CUBN: variants seen among roughly 807,000 people sequenced by gnomAD.
CUBN encodes 460 kDa receptor.
Under a neutral mutation model 405.3 loss-of-function variants are expected in CUBN, and 282 were observed. The observed-to-expected ratio is 0.70, with a 90% CI of 0.63 to 0.77. The LOEUF is 0.77. Among genes scored for constraint, CUBN ranks in the 30% least tolerant of loss-of-function variants. The probability of loss-of-function intolerance (pLI) is 0.00; values close to 1 mark genes in which losing one functional copy is unlikely to be tolerated. For synonymous variants in CUBN, 1,684 were observed against 1,617.0 expected (o/e 1.04, Z -0.99); for missense variants, 4,514 against 4,475.2 (o/e 1.01, Z -0.25).
In CUBN at chr10:17,076,771, C is replaced by T. The variant is rs185371232; in HGVS notation, c.2302-4800G>A. Among the ~76,000 whole-genome samples, 598 of 152,282 alleles carry T rather than the reference C, an allele frequency of 3.9e-3. 4 individuals are homozygous for T. Among genetic ancestry groups the T allele is most frequent in the Middle Eastern group, 0.024 (7 of 294 alleles). Reference sequence around the variant, plus strand: ...CATAATTCAACCATCTTTTACTTTTCCCCCAGCAAGCTCTAGAGCCTGGGT... The same window carrying T: ...CATAATTCAACCATCTTTTACTTTTTCCCCAGCAAGCTCTAGAGCCTGGGT... On this transcript the variant is annotated intron_variant, in intron 17 of 66. Transcript: ENST00000377833.
chr10:16,898,065 T>C (rs1841243306), intron 54 of CUBN, among the ~76,000 whole-genome samples: 1 of 32,114 alleles, frequency 3.1e-5, no homozygotes, highest in South Asian at 2.3e-3. Flanking sequence ...TTTTATTATA[T>C]GTATATATAT....
At chr10:16,891,621 G>T (rs116830588) in intron 54 of CUBN, among the ~76,000 whole-genome samples, 41 of 152,142 alleles carry the variant, frequency 2.7e-4, no homozygotes, top group African/African-American at 9.7e-4. Flanking sequence ...GGTAGGTTTT[G>T]CCCTAGTTCA....
intron 48 of CUBN, among the ~76,000 whole-genome samples, chr10:16,909,008 G>A (rs550960354): frequency 1.9e-4 from 28 of 149,070 alleles, no homozygotes; most frequent in African/African-American, 5.9e-4. Context: ...TCAGCCTCCC[G>A]AGTAGCTGGG....
At position 16,990,435 on chromosome 10, in the gene CUBN, A is replaced by G. The variant is rs745823234; in HGVS notation, c.4249T>C (p.Cys1417Arg). 2.5e-6 allele frequency: 4 copies of G among 1,613,786 alleles called. No individual in the cohort carries two copies. The African/African-American group carries it at 5.3e-5, about 22-fold the overall frequency. ...FPNRYPPNKECIWYIRTDPGS... is the reference protein window; with the variant it reads ...FPNRYPPNKERIWYIRTDPGS... ...GGGTCCGTCCTAATGTACCAGATAC[A>G]CTCCTTGTTTGGTGGATACCTGTTG... The change falls in exon 29 of 67, where the codon TGT becomes CGT. Residue 1417 changes from cysteine (C) to arginine (R), a missense_variant. Physicochemically the swap from Cys to Arg is radical, Grantham distance 180 (BLOSUM62 -3). Transcript: ENST00000377833.
chr10:16,971,735 C>T (rs1475128485), intron 31 of CUBN, among the ~76,000 whole-genome samples: 1 of 152,178 alleles, frequency 6.6e-6, no homozygotes, highest in Non-Finnish European at 1.5e-5. Context: ...ATTTTCTCTA[C>T]TGTTCGCCTG....
At chr10:16,961,389 G>A (rs1414604307) in intron 31 of CUBN, among the ~76,000 whole-genome samples, 3 of 152,036 alleles carry the variant, frequency 2.0e-5, no homozygotes, top group Non-Finnish European at 4.4e-5. Flanking sequence ...CTGATGCTTC[G>A]ATACCTTGAG....
At chr10:16,887,666 A>G (rs1193654404) in intron 56 of CUBN, among the ~76,000 whole-genome samples, 2 of 152,230 alleles carry the variant, frequency 1.3e-5, no homozygotes, top group Admixed American at 1.3e-4. Flanking sequence ...AATGCATGGC[A>G]GTTTCCCAAA....
intron 27 of CUBN, among the ~76,000 whole-genome samples, chr10:17,027,744 C>T (rs1010902819): frequency 2.0e-5 from 3 of 152,106 alleles, no homozygotes. Context: ...TCTTAAGTAT[C>T]TCAAGGTTAT....
chr10:17,051,064 A>G (rs1355416410), intron 22 of CUBN, among the ~76,000 whole-genome samples: 2 of 152,090 alleles, frequency 1.3e-5, no homozygotes, highest in East Asian at 1.9e-4. Flanking sequence ...TATTAAAAAA[A>G]AAGAGAGAAA....
intron 36 of CUBN, among the ~76,000 whole-genome samples, chr10:16,943,359 A>C (rs1842707470): frequency 4.6e-5 from 7 of 152,232 alleles, no homozygotes; most frequent in Admixed American, 4.6e-4. Context: ...GGATATATCC[A>C]CATCAGACAA....
intron 27 of CUBN, among the ~76,000 whole-genome samples, chr10:17,025,871 G>GC (rs1311475358): frequency 6.6e-6 from 1 of 152,260 alleles, no homozygotes; most frequent in East Asian, 1.9e-4. Context: ...GTGGAGATAA[G>GC]CATGCTGTGT....
At chr10:17,062,951 G>A (rs888593920) in intron 22 of CUBN, among the ~76,000 whole-genome samples, 1 of 152,118 alleles carries the variant, frequency 6.6e-6, no homozygotes, top group Admixed American at 6.6e-5. Context: ...TCCAACATAC[G>A]ATGACACCTG....
chr10:16,926,917 C>T (rs570042170), intron 41 of CUBN, among the ~76,000 whole-genome samples: 2 of 151,572 alleles, frequency 1.3e-5, no homozygotes, highest in East Asian at 1.9e-4. Flanking sequence ...TATTTTAGTG[C>T]ACTGGTTCCC....
chr10:16,899,249 C>T, intron 53 of CUBN, 66 bp from the exon 54 acceptor site: 2 of 1,165,674 alleles, frequency 1.7e-6, no homozygotes, highest in Non-Finnish European at 2.6e-6. Flanking sequence ...CTCAAGACTG[C>T]TACAGAAGGA....
At position 16,830,172 on chromosome 10, in the gene CUBN, G is replaced by A. The variant is rs533753532; in HGVS notation, c.10528+1080C>T. The stretch of plus-strand genomic sequence containing the variant: ...ACTGGTCTGGAACTCCTGACCTCAG[G>A]TGATCCACCCACCTTGGTCTCCCAG... On this transcript the variant is annotated intron_variant, in intron 65 of 66. Transcript: ENST00000377833. 8.5e-5 allele frequency among the ~76,000 whole-genome samples: 13 copies of A among 152,250 alleles called. No individual in the cohort carries two copies. In the South Asian group the frequency reaches 1.0e-3, roughly 12 times the overall value.
intron 22 of CUBN, among the ~76,000 whole-genome samples, chr10:17,061,139 G>C (rs962816235): frequency 2.0e-5 from 3 of 151,992 alleles, no homozygotes; most frequent in Admixed American, 2.0e-4. Flanking sequence ...TCAAGGCTGA[G>C]AGTAGGACCA....
intron 5 of CUBN, among the ~76,000 whole-genome samples, chr10:17,123,230 C>A (rs1368172213): frequency 2.0e-5 from 3 of 151,842 alleles, no homozygotes; most frequent in Admixed American, 2.0e-4. Flanking sequence ...CAGTTTCCAT[C>A]GTTATCAGAA....
At chr10:16,846,349 T>C (rs1234348131) in intron 60 of CUBN, among the ~76,000 whole-genome samples, 1 of 152,238 alleles carries the variant, frequency 6.6e-6, no homozygotes, top group Non-Finnish European at 1.5e-5. Context: ...TATGTGACTT[T>C]GTGTAGCAGT....
At chr10:16,967,843 CA>C (rs1564452517) in intron 31 of CUBN, among the ~76,000 whole-genome samples, 1 of 110,850 alleles carries the variant, frequency 9.0e-6, no homozygotes, top group African/African-American at 3.9e-5. Flanking sequence ...GAAGGAGAGA[CA>C]GAGGGAGAGA....
Sources: gnomAD v4.1 joint callset for allele counts (sites outside exome capture counted in the v4.1 genomes callset) on GRCh38, gnomAD v4.1.1 for gene constraint, MANE v1.5 for transcripts, NCBI Gene and HGNC (gene_info 2026-07-23, HGNC 2026-07-21) for gene names.